DNAAF9: variants seen among roughly 807,000 people sequenced by gnomAD.
DNAAF9 encodes dynein axonemal assembly factor 9, also known as shulin.
A neutral mutation model predicts 167.0 loss-of-function variants in DNAAF9; 90 were observed. That is an observed-to-expected ratio of 0.54 (90% confidence interval 0.45 to 0.64). The LOEUF is 0.64. Among genes scored for constraint, DNAAF9 ranks in the 30% least tolerant of loss-of-function variants. DNAAF9 has a pLI of 0.00. For synonymous variants in DNAAF9, 491 were observed against 508.8 expected (o/e 0.96, Z 0.47); for missense variants, 1,315 against 1,442.2 (o/e 0.91, Z 1.43).
intron 6 of DNAAF9, among the ~76,000 whole-genome samples, chr20:3,369,403 G>T (rs2083479540): frequency 1.3e-5 from 2 of 148,924 alleles, no homozygotes; most frequent in African/African-American, 5.0e-5. Context: ...TTCAGATGGA[G>T]TCTCGCTCTT....
At chr20:3,319,258 G>A (rs1424653766) in intron 16 of DNAAF9, among the ~76,000 whole-genome samples, 8 of 46,670 alleles carry the variant, frequency 1.7e-4, no homozygotes, top group Admixed American at 1.1e-3. Flanking sequence ...CCGAGACCCC[G>A]TCTCAAAAAA....
At chr20:3,269,770 T>C (rs188434926) in intron 30 of DNAAF9, among the ~76,000 whole-genome samples, 2,247 of 150,808 alleles carry the variant, frequency 0.015, 54 homozygotes, top group African/African-American at 0.052. Flanking sequence ...CTGGCTAACA[T>C]GGTGAAACCC....
At chr20:3,336,971 C>T (rs1405579099) in intron 10 of DNAAF9, among the ~76,000 whole-genome samples, 12 of 151,106 alleles carry the variant, frequency 7.9e-5, no homozygotes. Context: ...GCTCCGCCTC[C>T]CGGGTTCACA....
intron 3 of DNAAF9, among the ~76,000 whole-genome samples, chr20:3,381,094 AATG>A (rs2083645116): frequency 6.6e-6 from 1 of 152,230 alleles, no homozygotes; most frequent in East Asian, 1.9e-4. Flanking sequence ...GGCAATGGTC[AATG>A]AAGAGGAAAA....
At position 3,250,355 on chromosome 20, in the gene DNAAF9, C is replaced by T. The variant is rs1051136779; in HGVS notation, c.*2217G>A. Reference sequence around the variant, plus strand: ...AGCTCACAGTGCACCGCGGGTGTGCCTTATCAGTGGGGCAGAGCAAGTGGC... The same window carrying T: ...AGCTCACAGTGCACCGCGGGTGTGCTTTATCAGTGGGGCAGAGCAAGTGGC... On this transcript the variant is annotated 3_prime_UTR_variant, in exon 37 of 37. Transcript: ENST00000252032. 6.6e-6 allele frequency: 1 copy of T among 152,250 alleles called. No individual in the cohort carries two copies. Among genetic ancestry groups the T allele is most frequent in the African/African-American group, 2.4e-5 (1 of 41,462 alleles). The allele number at this position is 152,250 out of a possible 1,614,324, so 9.4% of individuals were successfully genotyped here.
intron 7 of DNAAF9, among the ~76,000 whole-genome samples, chr20:3,349,515 G>A (rs1479035408): frequency 6.6e-6 from 1 of 152,162 alleles, no homozygotes; most frequent in East Asian, 1.9e-4. Flanking sequence ...GAGCAGCTTT[G>A]TTGAAGGACT....
chr20:3,394,942 C>CTTTTT lies in DNAAF9; in HGVS notation c.84-12441_84-12437dup, dbSNP rs1258382355. 5.4e-3 allele frequency among the ~76,000 whole-genome samples: 480 copies of CTTTTT among 88,996 alleles called. 61 individuals are homozygous for CTTTTT. Among genetic ancestry groups the CTTTTT allele is most frequent in the Non-Finnish European group, 7.4e-3 (319 of 42,842 alleles). 58.4% of individuals were successfully genotyped at this position (88,996 alleles called of 152,430 possible). A position where few individuals can be genotyped will look rare whatever the true frequency, so the allele number is the denominator to read the frequency against. On this transcript the variant is annotated intron_variant, in intron 1 of 36. Coordinates refer to ENST00000252032, the MANE Select transcript of DNAAF9 (RefSeq NM_001009984.3). ...TTCCATGGCTTTTACTGAACATTTT[C>CTTTTT]TTTTTTCTTTTTTTTTTTTTTTTTT...
chr20:3,346,938 G>GA (rs1364637857), intron 8 of DNAAF9, among the ~76,000 whole-genome samples: 4 of 151,920 alleles, frequency 2.6e-5, no homozygotes, highest in Non-Finnish European at 4.4e-5. Flanking sequence ...GTTTGGAAAA[G>GA]AAAAAACATT....
rs550103928 is a variant in DNAAF9, at chr20:3,330,085, G to A, written c.1100+561C>T. Among the ~76,000 whole-genome samples, 4 of 152,296 alleles carry A rather than the reference G, an allele frequency of 2.6e-5. No homozygotes were observed. In the South Asian group the frequency reaches 8.3e-4, roughly 32 times the overall value. ...ATGCATTATATAGAAAACATATCAA[G>A]GAGAGTTACATCATAAATGCATGGG... On this transcript the variant is annotated intron_variant, in intron 12 of 36. Transcript: ENST00000252032.
At chr20:3,369,937 A>C (rs1315966801) in intron 6 of DNAAF9, among the ~76,000 whole-genome samples, 2 of 152,014 alleles carry the variant, frequency 1.3e-5, no homozygotes, top group Non-Finnish European at 2.9e-5. Flanking sequence ...TCTATACCTT[A>C]AATTATCTTT....
intron 1 of DNAAF9, among the ~76,000 whole-genome samples, chr20:3,406,911 G>T (rs2084066606): frequency 6.6e-6 from 1 of 152,074 alleles, no homozygotes; most frequent in African/African-American, 2.4e-5. Flanking sequence ...ATGTACGTAG[G>T]GGGCGGGGGA....
intron 12 of DNAAF9, among the ~76,000 whole-genome samples, chr20:3,327,375 G>T (rs1439333334): frequency 6.6e-6 from 1 of 152,130 alleles, no homozygotes; most frequent in Non-Finnish European, 1.5e-5. Context: ...AGTGGGGAAA[G>T]ATGGGGGAGG....
chr20:3,398,065 G>A (rs988138835), intron 1 of DNAAF9, among the ~76,000 whole-genome samples: 1 of 152,154 alleles, frequency 6.6e-6, no homozygotes, highest in Non-Finnish European at 1.5e-5. Context: ...TTATCCAGGT[G>A]CAAGTCAGGT....
chr20:3,282,765 C>A (rs930388270), intron 27 of DNAAF9, among the ~76,000 whole-genome samples: 1 of 152,152 alleles, frequency 6.6e-6, no homozygotes, highest in Non-Finnish European at 1.5e-5. Context: ...ATTCTTTGCC[C>A]CCCTGCCTGG....
At chr20:3,287,555 T>C in intron 27 of DNAAF9, 77 bp downstream of exon 27, 1 of 1,374,558 alleles carries the variant, frequency 7.3e-7, no homozygotes, top group Non-Finnish European at 1.0e-6. Context: ...TGCTCCAGGT[T>C]TGTTACACAT....
At chr20:3,358,778 C>T (rs927367919) in intron 7 of DNAAF9, among the ~76,000 whole-genome samples, 5 of 152,140 alleles carry the variant, frequency 3.3e-5, no homozygotes, top group Admixed American at 2.6e-4. Flanking sequence ...TATTGTTCCT[C>T]ACTAATTGTA....
intron 26 of DNAAF9, among the ~76,000 whole-genome samples, 162 bp from the exon 27 acceptor site, chr20:3,287,952 C>T (rs2068880870): frequency 6.6e-6 from 1 of 152,152 alleles, no homozygotes; most frequent in African/African-American, 2.4e-5. Context: ...AGGCAGAGGG[C>T]ACTGGATGGG....
chr20:3,270,738 G>A (rs1250616729), intron 29 of DNAAF9, among the ~76,000 whole-genome samples, 176 bp from the exon 30 acceptor site: 2 of 151,532 alleles, frequency 1.3e-5, no homozygotes, highest in African/African-American at 2.4e-5. Context: ...CCCACTTCCC[G>A]GCACTGCCAC....
At chr20:3,264,190 G>C (rs1192004400) in intron 31 of DNAAF9, among the ~76,000 whole-genome samples, 1 of 152,220 alleles carries the variant, frequency 6.6e-6, no homozygotes, top group Non-Finnish European at 1.5e-5. Flanking sequence ...AGCGGTGCTT[G>C]CTGCCTACAG....
Sources: gnomAD v4.1 joint callset for allele counts (sites outside exome capture counted in the v4.1 genomes callset) on GRCh38, gnomAD v4.1.1 for gene constraint, MANE v1.5 for transcripts, NCBI Gene and HGNC (gene_info 2026-07-23, HGNC 2026-07-21) for gene names.